ADK: variants seen among roughly 807,000 people sequenced by gnomAD.
The protein encoded by ADK is N6,N6-dimethyladenosine kinase.
A neutral mutation model predicts 44.7 loss-of-function variants in ADK; 24 were observed. The observed-to-expected ratio is 0.54, with a 90% CI of 0.39 to 0.76. ADK has a LOEUF of 0.76. Ranked by LOEUF, ADK falls within the 30% of genes least tolerant of loss-of-function variation. The probability of loss-of-function intolerance (pLI) is 0.00; values close to 1 mark genes in which losing one functional copy is unlikely to be tolerated. For synonymous variants in ADK, 128 were observed against 142.6 expected (o/e 0.90, Z 0.73); for missense variants, 321 against 425.1 (o/e 0.76, Z 2.15).
intron 1 of ADK, among the ~76,000 whole-genome samples, chr10:74,164,863 T>C (rs964316280): frequency 6.6e-6 from 1 of 152,200 alleles, no homozygotes; most frequent in African/African-American, 2.4e-5. Context: ...TGAGAAGACG[T>C]GTTAGTTTCT....
intron 6 of ADK, among the ~76,000 whole-genome samples, chr10:74,483,732 C>G (rs1589157200): frequency 6.6e-6 from 1 of 152,212 alleles, no homozygotes. Context: ...AATCATCTCT[C>G]TCAAGTTCAA....
intron 7 of ADK, among the ~76,000 whole-genome samples, chr10:74,577,110 CTGTGTGTGTGTGTGTGTGTGTG>C (rs146683037): frequency 7.3e-6 from 1 of 137,328 alleles, no homozygotes; most frequent in African/African-American, 2.7e-5. Context: ...TATTATTTCT[CTGTGTGTGTGTGTGTGTGTGTG>C]TGTGTGTGTG....
At chr10:74,294,906 A>G (rs546027321) in intron 3 of ADK, among the ~76,000 whole-genome samples, 1 of 152,000 alleles carries the variant, frequency 6.6e-6, no homozygotes, top group South Asian at 2.1e-4. Context: ...CTCAGGCTGG[A>G]GTGCAGTGAT....
chr10:74,258,012 T>C (rs1363876023), intron 3 of ADK, among the ~76,000 whole-genome samples: 1 of 152,220 alleles, frequency 6.6e-6, no homozygotes, highest in Non-Finnish European at 1.5e-5. Flanking sequence ...ACTACTTCTG[T>C]GTTTTGTTTC....
At chr10:74,290,078 G>GCGCGCACA (rs113592873) in intron 3 of ADK, among the ~76,000 whole-genome samples, 197 of 149,118 alleles carry the variant, frequency 1.3e-3, no homozygotes, top group African/African-American at 4.1e-3. Context: ...CTACTCACGC[G>GCGCGCACA]CACACACACA....
chr10:74,315,740 A>T lies in ADK; in HGVS notation c.273+995A>T, dbSNP rs1229120972. Among the ~76,000 whole-genome samples, 3 of 152,230 alleles carry T rather than the reference A, an allele frequency of 2.0e-5. No homozygotes were observed. In the East Asian group the frequency reaches 5.8e-4, roughly 29 times the overall value. On this transcript the variant is annotated intron_variant, in intron 4 of 10. Coordinates refer to ENST00000539909, the MANE Select transcript of ADK (RefSeq NM_006721.4). ...AATGATTTCTTTTCAAGTAACTCTTAGTTGATTGAGACATATAGTATGATT... is the reference window on the plus strand; with the variant it reads ...AATGATTTCTTTTCAAGTAACTCTTTGTTGATTGAGACATATAGTATGATT...
At chr10:74,393,121 T>A (rs1434152574) in intron 4 of ADK, among the ~76,000 whole-genome samples, 1 of 152,156 alleles carries the variant, frequency 6.6e-6, no homozygotes, top group Non-Finnish European at 1.5e-5. Flanking sequence ...CTGTCTTTGT[T>A]ACTTTTTCCT....
chr10:74,176,761 C>T (rs1842354259), intron 1 of ADK: 1 of 1,558,956 alleles, frequency 6.4e-7, no homozygotes. Context: ...GGACGCGCTC[C>T]CAGTCGCTGA....
At chr10:74,210,889 A>G (rs1222189809) in intron 2 of ADK, among the ~76,000 whole-genome samples, 1 of 151,888 alleles carries the variant, frequency 6.6e-6, no homozygotes, top group East Asian at 1.9e-4. Context: ...TTTTGTAGTT[A>G]ATTTTTTTTT....
At chr10:74,578,525 A>G (rs557861689) in intron 7 of ADK, among the ~76,000 whole-genome samples, 3 of 152,344 alleles carry the variant, frequency 2.0e-5, no homozygotes, top group African/African-American at 7.2e-5. Context: ...AAAAGCAACC[A>G]TAGATAATAT....
At chr10:74,578,720 C>T (rs185252637) in intron 7 of ADK, among the ~76,000 whole-genome samples, 1 of 151,994 alleles carries the variant, frequency 6.6e-6, no homozygotes, top group Admixed American at 6.6e-5. Flanking sequence ...ATTAGCTATA[C>T]AGAACTTTCT....
chr10:74,635,558 T>C (rs1464105371), intron 9 of ADK, among the ~76,000 whole-genome samples: 2 of 152,148 alleles, frequency 1.3e-5, no homozygotes, highest in East Asian at 3.8e-4. Context: ...ATTAGTAACA[T>C]AAAAAACAGC....
chr10:74,651,430 C>T (rs1434650750), intron 9 of ADK, among the ~76,000 whole-genome samples: 2 of 151,922 alleles, frequency 1.3e-5, no homozygotes, highest in Non-Finnish European at 2.9e-5. Context: ...GAAAATTGTC[C>T]CATTCAGCTA....
At chr10:74,483,186 G>A (rs1847135408) in intron 6 of ADK, among the ~76,000 whole-genome samples, 3 of 152,184 alleles carry the variant, frequency 2.0e-5, no homozygotes, top group Admixed American at 2.0e-4. Context: ...AGGCTCCCAA[G>A]CCTCATCTCT....
At chr10:74,426,030 T>A (rs1184134672) in intron 6 of ADK, among the ~76,000 whole-genome samples, 1 of 152,138 alleles carries the variant, frequency 6.6e-6, no homozygotes, top group African/African-American at 2.4e-5. Flanking sequence ...TTTTGAGAAA[T>A]AGAGAAAAGT....
intron 10 of ADK, among the ~76,000 whole-genome samples, chr10:74,677,126 T>C (rs913501108): frequency 1.6e-4 from 24 of 152,140 alleles, no homozygotes; most frequent in African/African-American, 5.6e-4. Context: ...AAGCCTGTGG[T>C]TCCAGCTACT....
chr10:74,385,213 T>C (rs1843103581), intron 4 of ADK, among the ~76,000 whole-genome samples: 1 of 152,208 alleles, frequency 6.6e-6, no homozygotes, highest in Non-Finnish European at 1.5e-5. Flanking sequence ...GAGACTTTTA[T>C]AGTAGTCTAA....
intron 1 of ADK, among the ~76,000 whole-genome samples, chr10:74,166,397 T>C (rs1842035145): frequency 6.6e-6 from 1 of 152,146 alleles, no homozygotes; most frequent in African/African-American, 2.4e-5. Context: ...CTTAGCTCAC[T>C]GTAACATTCA....
At chr10:74,672,207 A>G (rs1211881723) in intron 10 of ADK, among the ~76,000 whole-genome samples, 1 of 152,226 alleles carries the variant, frequency 6.6e-6, no homozygotes, top group African/African-American at 2.4e-5. Context: ...CGTCTTTTTT[A>G]AAGGCCAAAT....
Sources: gnomAD v4.1 joint callset for allele counts (sites outside exome capture counted in the v4.1 genomes callset) on GRCh38, gnomAD v4.1.1 for gene constraint, MANE v1.5 for transcripts, NCBI Gene and HGNC (gene_info 2026-07-23, HGNC 2026-07-21) for gene names.